DST: variants seen among roughly 807,000 people sequenced by gnomAD.
DST encodes the protein dystonin.
In DST, 253 loss-of-function variants were observed where a neutral mutation model predicts 875.2. That is an observed-to-expected ratio of 0.29 (90% CI 0.26 to 0.32). The LOEUF (loss-of-function observed/expected upper bound fraction) is 0.32, where lower values mean the gene tolerates loss of function less well. DST is among the 10% of genes least tolerant of loss of function. The pLI is 1.00. For synonymous variants in DST, 3,124 were observed against 3,197.1 expected (o/e 0.98, Z 0.77); for missense variants, 8,287 against 9,111.6 (o/e 0.91, Z 3.68).
chr6:56,492,905 G>T (rs566853206), intron 84 of DST, 29 bp downstream of exon 84: 10 of 1,440,066 alleles, frequency 6.9e-6, no homozygotes, highest in African/African-American at 5.9e-5. Flanking sequence ...TCTGAAAAGA[G>T]AATCCTATCT....
intron 2 of DST, among the ~76,000 whole-genome samples, chr6:56,951,881 G>A (rs1822522994): frequency 6.6e-6 from 1 of 152,176 alleles, no homozygotes; most frequent in Non-Finnish European, 1.5e-5. Context: ...GTTGAATTCT[G>A]AGCGATGTCC....
intron 61 of DST, among the ~76,000 whole-genome samples, chr6:56,548,169 C>T (rs1360046389): frequency 1.3e-5 from 2 of 152,158 alleles, no homozygotes; most frequent in Non-Finnish European, 2.9e-5. Flanking sequence ...ACACTAACAG[C>T]AATGACAGCT....
rs1289303629 is a variant in DST, at chr6:56,552,325, C to T, written c.16467G>A (p.Gly5489=). The change falls in exon 61 of 104, where the codon GGG becomes GGA. Residue 5489 remains glycine, a synonymous_variant. Transcript: ENST00000680361. ...RAQAREEQVE[G]TIKRLEEFYS... is the part of the protein sequence containing the mutation. Reference sequence around the variant, plus strand: ...AAAATTCTTCAAGGCGCTTAATTGTCCCTTCAACCTGCTCTTCTCTGGCTT... The same window carrying T: ...AAAATTCTTCAAGGCGCTTAATTGTTCCTTCAACCTGCTCTTCTCTGGCTT... 1.9e-6 allele frequency: 3 copies of T among 1,613,962 alleles called. No homozygotes were observed. Among genetic ancestry groups the T allele is most frequent in the Non-Finnish European group, 2.5e-6 (3 of 1,179,884 alleles).
At chr6:56,947,631 G>A (rs963550548) in intron 2 of DST, among the ~76,000 whole-genome samples, 5 of 152,168 alleles carry the variant, frequency 3.3e-5, no homozygotes, top group African/African-American at 1.2e-4. Flanking sequence ...TTTGTCAACT[G>A]TCATGTAGTA....
chr6:56,938,959 G>T (rs943869387), intron 2 of DST, among the ~76,000 whole-genome samples: 1 of 152,218 alleles, frequency 6.6e-6, no homozygotes. Context: ...CCAACCCACG[G>T]AATTGTGAGA....
chr6:56,542,418 T>C (rs989497501), intron 61 of DST: 1 of 104,604 alleles, frequency 9.6e-6, no homozygotes, highest in Non-Finnish European at 1.8e-5. Flanking sequence ...GGTGTACTAC[T>C]AAGCTTCTTT....
intron 3 of DST, chr6:56,851,914 A>C (rs1417962862): frequency 3.2e-6 from 5 of 1,541,902 alleles, no homozygotes; most frequent in Non-Finnish European, 4.4e-6. Context: ...CTGGCCCAAC[A>C]ATGAAGCCAG....
At chr6:56,657,556 TGGTGGTTGTCAACG>T in intron 10 of DST, among the ~76,000 whole-genome samples, 1 of 152,050 alleles carries the variant, frequency 6.6e-6, no homozygotes, top group South Asian at 2.1e-4. Context: ...GAAAGAAGAA[TGGTGGTTGTCAACG>T]GGTGGGGGGA....
intron 37 of DST, 61 bp from the exon 38 acceptor site, chr6:56,611,657 T>TAA: frequency 8.2e-7 from 1 of 1,226,158 alleles, no homozygotes; most frequent in Non-Finnish European, 1.2e-6. Flanking sequence ...AGTATTTTTT[T>TAA]TAAAAAAAAG....
At chr6:56,752,393 G>C (rs577919761) in intron 4 of DST, among the ~76,000 whole-genome samples, 1 of 151,822 alleles carries the variant, frequency 6.6e-6, no homozygotes, top group African/African-American at 2.4e-5. Context: ...AAAAAGTTTT[G>C]AGAATTGTTT....
At chr6:56,531,618 C>T (rs1383408988) in intron 64 of DST, among the ~76,000 whole-genome samples, 1 of 152,184 alleles carries the variant, frequency 6.6e-6, no homozygotes, top group African/African-American at 2.4e-5. Flanking sequence ...AACATACTCA[C>T]TCAGGTCAGT....
Position 56,557,397 on chromosome 6 carries a change from T to C in DST, c.14562A>G (p.Glu4854=). ...VEAQLKQWLV[E]KELMVSVLGP... Reference sequence around the variant, plus strand: ...CAAGAACACTGACCATAAGTTCTTTTTCCACAAGCCACTGTTTCAATTGGG... The same window carrying C: ...CAAGAACACTGACCATAAGTTCTTTCTCCACAAGCCACTGTTTCAATTGGG... Residue 4854 remains glutamate (E), a synonymous_variant, in exon 59 of 104, where the codon GAA becomes GAG. Coordinates refer to ENST00000680361, the MANE Select transcript of DST (RefSeq NM_001374736.1). 5 of 1,613,790 alleles carry C rather than the reference T, an allele frequency of 3.1e-6. No homozygotes were observed. Among genetic ancestry groups the C allele is most frequent in the Non-Finnish European group, 4.2e-6 (5 of 1,179,718 alleles).
Position 56,608,916 on chromosome 6 carries a change from T to C in DST, c.5712A>G (p.Ser1904=). ...TTTCCAGAACTTTAGAAAATAATGCTGAGGAAACCAAGTTCTGTTGGAAAG... is the reference window on the plus strand; with the variant it reads ...TTTCCAGAACTTTAGAAAATAATGCCGAGGAAACCAAGTTCTGTTGGAAAG... ...QKAFQQNLVS[S]ALFSKVLERQ... Residue 1904 remains serine, a synonymous_variant, in exon 40 of 104, where the codon TCA becomes TCG. Transcript: ENST00000680361. 2 of 1,613,774 alleles carry C rather than the reference T, an allele frequency of 1.2e-6. No homozygotes were observed. The highest frequency in any genetic ancestry group is 1.7e-6 in the Non-Finnish European group (2 of 1,179,792).
intron 4 of DST, among the ~76,000 whole-genome samples, chr6:56,803,412 T>A (rs2153025084): frequency 6.6e-6 from 1 of 152,352 alleles, no homozygotes; most frequent in South Asian, 2.1e-4. Context: ...ACCTTCAGTT[T>A]CTTAAATGTT....
At chr6:56,633,314 C>T (rs1015225631) in intron 27 of DST, among the ~76,000 whole-genome samples, 5 of 148,318 alleles carry the variant, frequency 3.4e-5, no homozygotes, top group African/African-American at 1.0e-4. Context: ...GCAAGCTCCG[C>T]CTCCCGGGTT....
At chr6:56,579,675 C>G (rs942178823) in intron 49 of DST, among the ~76,000 whole-genome samples, 4 of 152,020 alleles carry the variant, frequency 2.6e-5, no homozygotes, top group Non-Finnish European at 5.9e-5. Context: ...ACAGAAGACA[C>G]AAAGATGAGG....
intron 3 of DST, chr6:56,862,021 C>T (rs1870639): frequency 0.18 from 26,913 of 152,034 alleles, 3,387 homozygotes; most frequent in East Asian, 0.46. Flanking sequence ...CTTCAGAATC[C>T]CAGGTCTTAG....
At position 56,619,672 on chromosome 6, in the gene DST, T is replaced by A. The variant is rs753880334; in HGVS notation, c.4929+4858A>T. The A allele has an allele frequency of 3.1e-6, 5 of 1,613,938 alleles. No homozygotes were observed. The South Asian group carries it at 5.5e-5, about 18-fold the overall frequency. ...TGAGATCACTAGCTTCTTGCATGGC[T>A]TCTTCAGCTTTACCTGTGGTTTGAT... On this transcript the variant is annotated intron_variant, in intron 36 of 103. Coordinates refer to ENST00000680361, the MANE Select transcript of DST (RefSeq NM_001374736.1).
intron 36 of DST, chr6:56,618,550 A>G: frequency 6.2e-7 from 1 of 1,614,094 alleles, no homozygotes; most frequent in Non-Finnish European, 8.5e-7. Context: ...CAAGTTTCTG[A>G]CATTTTTGGT....
Sources: allele counts gnomAD v4.1 joint callset (sites outside exome capture counted in the v4.1 genomes callset), GRCh38; gene constraint gnomAD v4.1.1; transcripts MANE v1.5; gene names NCBI Gene and HGNC (gene_info 2026-07-23, HGNC 2026-07-21).